Variants in HSBP1L1 observed in about 807,000 individuals in gnomAD.
The protein encoded by HSBP1L1 is heat shock factor binding protein 1 like 1, also known as heat shock factor-binding protein 1-like protein 1.
In HSBP1L1, 8 loss-of-function variants were observed where a neutral mutation model predicts 9.7. The observed-to-expected ratio is 0.82, with a 90% CI of 0.48 to 1.48. The LOEUF is 1.48. HSBP1L1 is among the 40% of genes most tolerant of loss of function. The probability of loss-of-function intolerance (pLI) is 0.00; values close to 1 mark genes in which losing one functional copy is unlikely to be tolerated. For missense variants in HSBP1L1, 106 were observed against 95.8 expected, an observed-to-expected ratio of 1.11 and a Z score of -0.44; for synonymous variants, 39 against 34.4, an observed-to-expected ratio of 1.13 and a Z score of -0.46.
chr18:79,969,673 G>A (rs1032761385), intron 3 of HSBP1L1, among the ~76,000 whole-genome samples: 2 of 152,154 alleles, frequency 1.3e-5, no homozygotes, highest in Non-Finnish European at 1.5e-5. Context: ...AGACACACTG[G>A]CATCATAACC....
At chr18:79,965,748 T>A (rs1179508716) in intron 1 of HSBP1L1, among the ~76,000 whole-genome samples, 1 of 152,062 alleles carries the variant, frequency 6.6e-6, no homozygotes, top group Non-Finnish European at 1.5e-5. Flanking sequence ...AGGTGTGTGA[T>A]CTCCTGCATT....
At chr18:79,965,984 T>A (rs2051254638) in intron 1 of HSBP1L1, among the ~76,000 whole-genome samples, 1 of 152,106 alleles carries the variant, frequency 6.6e-6, no homozygotes, top group Admixed American at 6.5e-5. Context: ...CAGGCTGGAG[T>A]GCAGTGGCGC....
chr18:79,968,265 T>G, intron 3 of HSBP1L1, 82 bp downstream of exon 3: 1 of 813,876 alleles, frequency 1.2e-6, no homozygotes, highest in Non-Finnish European at 2.0e-6. Context: ...CCATATTTGT[T>G]CACTATGGGA....
chr18:79,964,821 TG>T, intron 1 of HSBP1L1, 35 bp downstream of exon 1: 4 of 820,204 alleles, frequency 4.9e-6, no homozygotes, highest in Non-Finnish European at 4.5e-6. Flanking sequence ...TCTCTCTGGA[TG>T]GGGGCGCCCC....
At position 79,969,285 on chromosome 18, in the gene HSBP1L1, AGGGAGGGAGG is replaced by A. The variant is rs1481532650; in HGVS notation, c.213+1104_213+1113del. Among the ~76,000 whole-genome samples, 29 of 23,180 alleles carry A rather than the reference AGGGAGGGAGG, an allele frequency of 1.3e-3. 1 individual carries two copies. Among genetic ancestry groups the A allele is most frequent in the South Asian group, 3.3e-3 (1 of 300 alleles). The allele number at this position is 23,180 out of a possible 152,430, so 15.2% of individuals were successfully genotyped here. On this transcript the variant is annotated intron_variant, in intron 3 of 3. Transcript: ENST00000451882. ...GAGGGAGGGAGGGAGGGAGGGAGGG[AGGGAGGGAGG>A]GAGAGAGAGAGAGAAAGGAAAGAAA...
At chr18:79,966,199 G>A (rs1485221959) in intron 1 of HSBP1L1, among the ~76,000 whole-genome samples, 1 of 152,018 alleles carries the variant, frequency 6.6e-6, no homozygotes, top group Non-Finnish European at 1.5e-5. Context: ...CCAAAGTGCT[G>A]GGATTACAGG....
chr18:79,966,383 A>C (rs553410551), intron 1 of HSBP1L1, among the ~76,000 whole-genome samples: 1 of 152,238 alleles, frequency 6.6e-6, no homozygotes, highest in Non-Finnish European at 1.5e-5. Context: ...GTCTCTACTG[A>C]AAGTATAAAC....
rs201171153 is a variant in HSBP1L1, at chr18:79,969,394, A to G, written c.214-1046A>G. Among the ~76,000 whole-genome samples, 61 of 80,370 alleles carry G rather than the reference A, an allele frequency of 7.6e-4. 1 individual carries two copies. The highest frequency in any genetic ancestry group is 9.7e-4 in the African/African-American group (21 of 21,560). 52.7% of individuals were successfully genotyped at this position (80,370 alleles called of 152,430 possible). A position where few individuals can be genotyped will look rare whatever the true frequency, so the allele number is the denominator to read the frequency against. On this transcript the variant is annotated intron_variant, in intron 3 of 3. Coordinates refer to ENST00000451882, the MANE Select transcript of HSBP1L1 (RefSeq NM_001136180.2). ...AAGAAAGAAAGAAAGAAAGAAAGAA[A>G]AAAAAACGATGCAGAATAGCGCCCA... is the stretch of plus-strand genomic sequence containing the variant.
intron 3 of HSBP1L1, among the ~76,000 whole-genome samples, chr18:79,969,781 T>C (rs1273155035): frequency 6.6e-6 from 1 of 152,228 alleles, no homozygotes. Context: ...CTGAGATTCA[T>C]GTCGACACGT....
At position 79,969,329 on chromosome 18, in the gene HSBP1L1, GA is replaced by G. The variant is rs1231438845; in HGVS notation, c.214-1106del. Among the ~76,000 whole-genome samples the G allele has an allele frequency of 7.9e-4, 60 of 75,748 alleles. 1 individual carries two copies. In the East Asian group the frequency reaches 0.012, roughly 15 times the overall value. 49.7% of individuals were successfully genotyped at this position (75,748 alleles called of 152,430 possible). ...GAGAGAAAGGAAAGAAAGAAAGAAA[GA>G]AAAAGAAAGAAAGAAAGAAAGAAAG... On this transcript the variant is annotated intron_variant, in intron 3 of 3. Coordinates refer to ENST00000451882, the MANE Select transcript of HSBP1L1 (RefSeq NM_001136180.2).
chr18:79,967,223 C>A (rs2051262346), intron 2 of HSBP1L1, among the ~76,000 whole-genome samples: 1 of 151,320 alleles, frequency 6.6e-6, no homozygotes, highest in African/African-American at 2.4e-5. Context: ...GTATAAAGGA[C>A]AAAAACACAA....
rs1306999933 is a variant in HSBP1L1 at position 79,968,043 on chromosome 18, G to A, written c.119-46G>A. ...TCTGAGGACATCCTGGCTGTGCCTC[G>A]GCGGCTCTGGACTCCAGCTCTACGC... On this transcript the variant is annotated intron_variant, in intron 2 of 3. Coordinates refer to ENST00000451882, the MANE Select transcript of HSBP1L1 (RefSeq NM_001136180.2). 12 of 1,212,930 alleles carry A rather than the reference G, an allele frequency of 9.9e-6. No homozygotes were observed. The Middle Eastern group carries it at 1.1e-3, about 114-fold the overall frequency. The allele number at this position is 1,212,930 out of a possible 1,614,324, so 75.1% of individuals were successfully genotyped here.
chr18:79,969,401 C>T (rs1157864772), intron 3 of HSBP1L1, among the ~76,000 whole-genome samples: 1 of 123,908 alleles, frequency 8.1e-6, no homozygotes, highest in Non-Finnish European at 1.7e-5. Flanking sequence ...GAAAAAAAAA[C>T]GATGCAGAAT....
chr18:79,969,391 G>GAAAA (rs755308930), intron 3 of HSBP1L1, among the ~76,000 whole-genome samples: 6 of 92,970 alleles, frequency 6.5e-5, no homozygotes, highest in African/African-American at 2.5e-4. Context: ...AAGAAAGAAA[G>GAAAA]AAAAAAAAAC....
At chr18:79,966,544 G>GAAA (rs149080363) in intron 1 of HSBP1L1, 68 bp from the exon 2 acceptor site, 147 of 1,031,196 alleles carry the variant, frequency 1.4e-4, no homozygotes, top group Non-Finnish European at 1.5e-4. Flanking sequence ...CTTCATCTCA[G>GAAA]AAAAAAAAAA....
At chr18:79,969,304 G>C (rs2051276506) in intron 3 of HSBP1L1, among the ~76,000 whole-genome samples, 1 of 74,120 alleles carries the variant, frequency 1.3e-5, no homozygotes, top group Admixed American at 1.6e-4. Flanking sequence ...GGGAGAGAGA[G>C]AGAGAAAGGA....
rs199951699 is a variant in HSBP1L1 at position 79,969,199 on chromosome 18, GGAAAGAAAGAAA to G, written c.213+1031_213+1042del. Reference sequence around the variant, plus strand: ...GCGAGACAACATGAAAGAAAAGAAAGGAAAGAAAGAAAGAAAGAAAGAAAGAGGAGAGAGAGG... The same window carrying G: ...GCGAGACAACATGAAAGAAAAGAAAGGAAAGAAAGAAAGAGGAGAGAGAGG... On this transcript the variant is annotated intron_variant, in intron 3 of 3. Transcript: ENST00000451882. 3.4e-4 allele frequency among the ~76,000 whole-genome samples: 28 copies of G among 82,096 alleles called. No individual in the cohort carries two copies. The South Asian group carries it at 5.4e-3, about 16-fold the overall frequency. The allele number at this position is 82,096 out of a possible 152,430, so 53.9% of individuals were successfully genotyped here.
intron 3 of HSBP1L1, among the ~76,000 whole-genome samples, chr18:79,969,341 AAG>A (rs1185656872): frequency 8.0e-4 from 22 of 27,466 alleles, no homozygotes; most frequent in Admixed American, 3.7e-3. Context: ...AAAAGAAAGA[AAG>A]AAAGAAAGAA....
At position 79,970,580 on chromosome 18, in the gene HSBP1L1, CT is replaced by C. The variant is rs1599703123; in HGVS notation, c.*130del. 1 of 591,324 alleles carries C rather than the reference CT, an allele frequency of 1.7e-6. No homozygotes were observed. The allele number at this position is 591,324 out of a possible 1,614,324, so 36.6% of individuals were successfully genotyped here. A position where few individuals can be genotyped will look rare whatever the true frequency, so the allele number is the denominator to read the frequency against. ...AAGAGACGCAAGGGGCTCGCCTGCTCTCCCCTCCGTGCCTGCACCAGAGAAG... is the reference window on the plus strand; with the variant it reads ...AAGAGACGCAAGGGGCTCGCCTGCTCCCCCTCCGTGCCTGCACCAGAGAAG... On this transcript the variant is annotated 3_prime_UTR_variant, in exon 4 of 4. Coordinates refer to ENST00000451882, the MANE Select transcript of HSBP1L1 (RefSeq NM_001136180.2).
Sources: allele counts gnomAD v4.1 joint callset (sites outside exome capture counted in the v4.1 genomes callset), GRCh38; gene constraint gnomAD v4.1.1; transcripts MANE v1.5; gene names NCBI Gene and HGNC (gene_info 2026-07-23, HGNC 2026-07-21).